Variants in SNAP91 observed in about 807,000 individuals in gnomAD.
SNAP91 encodes clathrin coat assembly protein AP180.
Under a neutral mutation model 100.3 loss-of-function variants are expected in SNAP91, and 27 were observed. The ratio of observed to expected loss-of-function variants is 0.27; its 90% CI spans 0.20 to 0.37. The LOEUF is 0.37. Ranked by LOEUF, SNAP91 falls within the 10% of genes least tolerant of loss-of-function variation. SNAP91 has a pLI of 1.00. For synonymous variants in SNAP91, 404 were observed against 398.6 expected (o/e 1.01, Z -0.16); for missense variants, 986 against 1,123.7 (o/e 0.88, Z 1.75).
At chr6:83,655,472 A>G (rs1336436057) in intron 7 of SNAP91, among the ~76,000 whole-genome samples, 2 of 152,220 alleles carry the variant, frequency 1.3e-5, no homozygotes, top group African/African-American at 4.8e-5. Flanking sequence ...TACCTCTGGT[A>G]CACTCCAATA....
intron 3 of SNAP91, among the ~76,000 whole-genome samples, chr6:83,662,740 C>A (rs915221971): frequency 6.6e-6 from 1 of 152,086 alleles, no homozygotes; most frequent in Non-Finnish European, 1.5e-5. Context: ...GCAATTTTCA[C>A]TCAAAGATTC....
chr6:83,601,423 A>C lies in SNAP91; in HGVS notation c.1172T>G (p.Leu391Arg), dbSNP rs1392390104. The change falls in exon 16 of 30, where the codon CTT becomes CGT. Residue 391 changes from leucine to arginine, a missense_variant. This residue lies in a region of SNAP91 where 575 missense variants were observed against 579.9 expected (regional missense o/e 0.99). Transcript: ENST00000369694. ...DLLGEDSLAA[L>R]SSVPSEAQIS... ...CTGTGCTTCAGAGGGAACAGAGGAAAGTGCAGCCAAAGAATCTATATTTCA... is the reference window on the plus strand; with the variant it reads ...CTGTGCTTCAGAGGGAACAGAGGAACGTGCAGCCAAAGAATCTATATTTCA... 6.2e-7 allele frequency: 1 copy of C among 1,613,636 alleles called. No homozygotes were observed. The highest frequency in any genetic ancestry group is 1.7e-5 in the Admixed American group (1 of 59,864).
intron 2 of SNAP91, among the ~76,000 whole-genome samples, chr6:83,681,912 A>C (rs1021325082): frequency 2.6e-5 from 4 of 152,112 alleles, no homozygotes; most frequent in African/African-American, 9.7e-5. Context: ...GTCACAGAGG[A>C]CCCATTATCA....
At chr6:83,650,719 C>CT (rs2098166269) in intron 7 of SNAP91, among the ~76,000 whole-genome samples, 1 of 152,148 alleles carries the variant, frequency 6.6e-6, no homozygotes, top group Non-Finnish European at 1.5e-5. Flanking sequence ...CGCCTGGCCA[C>CT]TTTCCTTTTC....
At chr6:83,589,018 G>T (rs993300974) in intron 22 of SNAP91, among the ~76,000 whole-genome samples, 2 of 152,102 alleles carry the variant, frequency 1.3e-5, no homozygotes, top group African/African-American at 4.8e-5. Context: ...CAGAATATTT[G>T]ATTTTATGGG....
Position 83,675,959 on chromosome 6 carries a change from C to A in SNAP91, c.131-10378G>T, listed in dbSNP as rs185211448. Among the ~76,000 whole-genome samples, 212 of 151,726 alleles carry A rather than the reference C, an allele frequency of 1.4e-3. 1 individual carries two copies. The highest frequency in any genetic ancestry group is 0.014 in the Middle Eastern group (4 of 294). On this transcript the variant is annotated intron_variant, in intron 2 of 29. Coordinates refer to ENST00000369694, the MANE Select transcript of SNAP91 (RefSeq NM_001242792.2). ...GCCAGGAGTTCGAGACCAGACTGGG[C>A]AAAATGGCTAGACATCATCATCTCT...
intron 29 of SNAP91, among the ~76,000 whole-genome samples, chr6:83,555,713 TA>T (rs1776807350): frequency 6.6e-6 from 1 of 152,200 alleles, no homozygotes; most frequent in African/African-American, 2.4e-5. Context: ...GGTAATAATC[TA>T]AGCTTTATGA....
intron 16 of SNAP91, 78 bp downstream of exon 16, chr6:83,601,192 GA>G (rs1181279709): frequency 1.4e-6 from 2 of 1,416,936 alleles, no homozygotes; most frequent in Non-Finnish European, 2.0e-6. Flanking sequence ...TTACATAACG[GA>G]AAAAATTTTA....
intron 12 of SNAP91, 68 bp downstream of exon 12, chr6:83,610,582 T>C: frequency 5.4e-6 from 3 of 555,192 alleles, no homozygotes; most frequent in South Asian, 2.8e-5. Flanking sequence ...CACTGAACTG[T>C]ACACTTTATG....
chr6:83,574,965 AC>A, intron 26 of SNAP91, 44 bp downstream of exon 26: 1 of 1,299,376 alleles, frequency 7.7e-7, no homozygotes, highest in Non-Finnish European at 1.1e-6. Flanking sequence ...ACACTTGGAA[AC>A]TGGCAAACTG....
At chr6:83,658,791 A>G (rs1240411622) in intron 6 of SNAP91, among the ~76,000 whole-genome samples, 2 of 152,190 alleles carry the variant, frequency 1.3e-5, no homozygotes, top group Non-Finnish European at 2.9e-5. Context: ...ATATTTTTCC[A>G]TGACTTATGT....
At chr6:83,644,081 A>C (rs2097822578) in intron 7 of SNAP91, among the ~76,000 whole-genome samples, 1 of 152,214 alleles carries the variant, frequency 6.6e-6, no homozygotes, top group African/African-American at 2.4e-5. Context: ...CAAATATCCA[A>C]ATTACTTCTC....
chr6:83,675,023 T>C (rs571800425), intron 2 of SNAP91, among the ~76,000 whole-genome samples: 5 of 152,258 alleles, frequency 3.3e-5, no homozygotes, highest in African/African-American at 1.2e-4. Flanking sequence ...ACTGACGGTT[T>C]AGGTGGGAGG....
intron 8 of SNAP91, among the ~76,000 whole-genome samples, chr6:83,635,565 A>G (rs183810991): frequency 7.8e-4 from 119 of 151,778 alleles, no homozygotes; most frequent in African/African-American, 2.8e-3. Context: ...CTTTACTTTG[A>G]GGCTATGCGT....
At chr6:83,601,491 A>G in intron 15 of SNAP91, 53 bp from the exon 16 acceptor site, 1 of 1,612,184 alleles carries the variant, frequency 6.2e-7, no homozygotes, top group Non-Finnish European at 8.5e-7. Context: ...GCAAAGGACA[A>G]AAGATATACC....
rs1252663203 is a variant in SNAP91 at position 83,617,090 on chromosome 6, AAC to A, written c.808-53_808-52del. ...GTCTGCATTGTTTACTTTCAATGTA[AAC>A]ACACTGTAATGTCACTGTAACTGTA... is the stretch of plus-strand genomic sequence containing the variant. On this transcript the variant is annotated intron_variant, in intron 9 of 29. Transcript: ENST00000369694. 3.3e-6 allele frequency: 4 copies of A among 1,222,320 alleles called. No homozygotes were observed. In the African/African-American group the frequency reaches 6.1e-5, roughly 19 times the overall value. 75.7% of individuals were successfully genotyped at this position (1,222,320 alleles called of 1,614,324 possible). A position where few individuals can be genotyped will look rare whatever the true frequency, so the allele number is the denominator to read the frequency against.
chr6:83,610,285 A>G lies in SNAP91; in HGVS notation c.912+365T>C, dbSNP rs1162953078. Among the ~76,000 whole-genome samples the G allele has an allele frequency of 2.0e-5, 3 of 152,040 alleles. No homozygotes were observed. In the East Asian group the frequency reaches 5.8e-4, roughly 29 times the overall value. The stretch of plus-strand genomic sequence containing the variant: ...GAATATAATTCGGCCTTCAAAAGGG[A>G]GGAAATTCAGGCACATGGTACAACA... On this transcript the variant is annotated intron_variant, in intron 12 of 29. Coordinates refer to ENST00000369694, the MANE Select transcript of SNAP91 (RefSeq NM_001242792.2).
At chr6:83,585,701 G>A (rs2208335) in intron 22 of SNAP91, among the ~76,000 whole-genome samples, 60,162 of 151,836 alleles carry the variant, frequency 0.4, 12,264 homozygotes, top group South Asian at 0.51. Context: ...CAGATGATTA[G>A]TCTTATGAAT....
chr6:83,571,315 G>C (rs1279807604), intron 26 of SNAP91, among the ~76,000 whole-genome samples: 1 of 152,128 alleles, frequency 6.6e-6, no homozygotes, highest in Admixed American at 6.5e-5. Flanking sequence ...ATGTTGGCCA[G>C]GATGGTCTCG....
Sources: allele counts gnomAD v4.1 joint callset (sites outside exome capture counted in the v4.1 genomes callset), GRCh38; gene constraint gnomAD v4.1.1; regional missense constraint gnomAD v4.1.1; transcripts MANE v1.5; gene names NCBI Gene and HGNC (gene_info 2026-07-23, HGNC 2026-07-21).